ACTN4: variants seen among roughly 807,000 people sequenced by gnomAD.
ACTN4 encodes the protein alpha-actinin-4.
ACTN4 carries 18 observed loss-of-function variants against 114.2 expected under a neutral mutation model. The observed-to-expected ratio is 0.16, with a 90% CI of 0.11 to 0.23. The LOEUF (loss-of-function observed/expected upper bound fraction) is 0.23. ACTN4 is among the 10% of genes least tolerant of loss of function. The pLI, the probability that ACTN4 is intolerant of heterozygous loss-of-function variation, is 1.00. For synonymous variants in ACTN4, 515 were observed against 506.3 expected, an observed-to-expected ratio of 1.02 and a Z score of -0.23; for missense variants, 722 against 1,262.9, an observed-to-expected ratio of 0.57 and a Z score of 6.49.
intron 12 of ACTN4, among the ~76,000 whole-genome samples, chr19:38,722,283 G>A (rs988980004): frequency 6.6e-6 from 1 of 152,168 alleles, no homozygotes; most frequent in East Asian, 1.9e-4. Context: ...CCAGGCAGCA[G>A]GAGGCCCAGG....
chr19:38,726,038 C>A, intron 17 of ACTN4, 135 bp downstream of exon 17: 1 of 1,277,612 alleles, frequency 7.8e-7, no homozygotes, highest in East Asian at 2.5e-5. Flanking sequence ...TTGAAGAGAC[C>A]AGCACTTTGG....
chr19:38,680,125 A>G lies in ACTN4; in HGVS notation c.163-20475A>G, dbSNP rs1048758573. 4.7e-5 allele frequency among the ~76,000 whole-genome samples: 7 copies of G among 149,016 alleles called. No homozygotes were observed. In the East Asian group the frequency reaches 1.2e-3, roughly 26 times the overall value. On this transcript the variant is annotated intron_variant, in intron 1 of 20. Coordinates refer to ENST00000252699, the MANE Select transcript of ACTN4 (RefSeq NM_004924.6). ...ATTTACTGATGCATCTCTCTCCCCT[A>G]TCAGACGCTGAGGTCTTTGATGGAG...
chr19:38,689,125 T>C (rs373091413), intron 1 of ACTN4, among the ~76,000 whole-genome samples: 1 of 152,178 alleles, frequency 6.6e-6, no homozygotes, highest in African/African-American at 2.4e-5. Flanking sequence ...ATAAAACTTG[T>C]ACATGAATAT....
At chr19:38,726,606 C>G (rs574418899) in intron 17 of ACTN4, among the ~76,000 whole-genome samples, 3 of 152,378 alleles carry the variant, frequency 2.0e-5, no homozygotes, top group Middle Eastern at 3.4e-3. Context: ...CCAACCCATA[C>G]AGGTCCACAG....
rs1462781036 is a variant in ACTN4, at chr19:38,717,774, G to A, written c.1144-153G>A. ...GATTGTACCTGCTGAGTGCTGGGGG[G>A]CCCTGTGTAGGCATCCAGGTATAAT... On this transcript the variant is annotated intron_variant, in intron 10 of 20. Transcript: ENST00000252699. This position sits in a 1 kb window ranked among gnomAD's most constrained non-coding sequence, Gnocchi z 4.0. 2.0e-5 allele frequency among the ~76,000 whole-genome samples: 3 copies of A among 152,192 alleles called. No homozygotes were observed. The highest frequency in any genetic ancestry group is 4.4e-5 in the Non-Finnish European group (3 of 68,016).
chr19:38,710,724 G>T (rs973214008), intron 8 of ACTN4: 2 of 354,842 alleles, frequency 5.6e-6, no homozygotes, highest in African/African-American at 4.3e-5. Context: ...AATGTGGAGG[G>T]GTGAAGTGAG....
intron 9 of ACTN4, among the ~76,000 whole-genome samples, chr19:38,715,576 C>T (rs1362484671): frequency 6.6e-6 from 1 of 152,214 alleles, no homozygotes; most frequent in Non-Finnish European, 1.5e-5. Context: ...CCAGATTTTG[C>T]AATCTCATAG....
chr19:38,715,796 AG>A (rs1287635010), intron 9 of ACTN4, among the ~76,000 whole-genome samples: 1 of 152,184 alleles, frequency 6.6e-6, no homozygotes, highest in African/African-American at 2.4e-5. Flanking sequence ...ATCCACACAG[AG>A]GTATTTCTGT....
chr19:38,690,937 C>T (rs983966780), intron 1 of ACTN4, among the ~76,000 whole-genome samples: 3 of 152,180 alleles, frequency 2.0e-5, no homozygotes, highest in Admixed American at 6.5e-5. Flanking sequence ...TGCGAGATGC[C>T]GCAACCTGAT....
At chr19:38,726,318 T>C (rs766923434) in intron 17 of ACTN4, among the ~76,000 whole-genome samples, 6 of 149,244 alleles carry the variant, frequency 4.0e-5, no homozygotes, top group Non-Finnish European at 7.4e-5. Flanking sequence ...TTGAAAAGAC[T>C]AGATCAAAAT....
intron 5 of ACTN4, among the ~76,000 whole-genome samples, chr19:38,707,651 C>T (rs186399055): frequency 1.3e-3 from 204 of 152,240 alleles, no homozygotes; most frequent in African/African-American, 4.6e-3. Flanking sequence ...AAGTCAGGTC[C>T]GCCAGGGTGT....
chr19:38,659,065 CT>C (rs577141157), intron 1 of ACTN4, among the ~76,000 whole-genome samples: 76 of 111,658 alleles, frequency 6.8e-4, no homozygotes, highest in Admixed American at 8.1e-4. Context: ...CTTTTCTTTT[CT>C]TTTTTTTTTT....
At chr19:38,675,572 A>G (rs1175499355) in intron 1 of ACTN4, among the ~76,000 whole-genome samples, 1 of 152,184 alleles carries the variant, frequency 6.6e-6, no homozygotes, top group Non-Finnish European at 1.5e-5. Context: ...ATTTCTTTCA[A>G]GAGGGAGGAT....
intron 1 of ACTN4, among the ~76,000 whole-genome samples, chr19:38,686,781 G>GGGTT (rs1003232310): frequency 4.3e-4 from 66 of 152,160 alleles, no homozygotes; most frequent in East Asian, 5.8e-4. Flanking sequence ...TGAGTGGTTT[G>GGGTT]GGTTGGTTGG....
intron 1 of ACTN4, among the ~76,000 whole-genome samples, chr19:38,664,053 G>A (rs1256671650): frequency 6.6e-6 from 1 of 152,232 alleles, no homozygotes; most frequent in Non-Finnish European, 1.5e-5. Context: ...CGCGCAGCCG[G>A]AACGGCCGCC....
chr19:38,718,017 G>A lies in ACTN4; in HGVS notation c.1234G>A (p.Asp412Asn), dbSNP rs761342349. The A allele has an allele frequency of 6.2e-6, 10 of 1,602,360 alleles. No individual in the cohort carries two copies. The highest frequency in any genetic ancestry group is 1.7e-5 in the Admixed American group (1 of 57,876). ...TGAGATCCGCAGGCTGGAGCGGCTC[G>A]ACCACCTGGCAGAGAAGTTCCGGCA... ...LNEIRRLERL[D>N]HLAEKFRQKA... Residue 412 changes from aspartate (D) to asparagine (N), a missense_variant, in exon 11 of 21, where the codon GAC (aspartate) becomes AAC (asparagine). Physicochemically the swap from Asp to Asn is conservative, Grantham distance 23 (BLOSUM62 1). Coordinates refer to ENST00000252699, the MANE Select transcript of ACTN4 (RefSeq NM_004924.6).
intron 8 of ACTN4, among the ~76,000 whole-genome samples, chr19:38,714,169 C>T (rs1968762281): frequency 6.6e-6 from 1 of 152,194 alleles, no homozygotes; most frequent in African/African-American, 2.4e-5. Flanking sequence ...ACCCGTCCAG[C>T]CTCACCCTCC....
chr19:38,662,825 A>C (rs1019780046), intron 1 of ACTN4, among the ~76,000 whole-genome samples: 3 of 151,882 alleles, frequency 2.0e-5, no homozygotes, highest in Admixed American at 6.6e-5. Context: ...CTATCACACT[A>C]TAAAGACATA....
In ACTN4 at chr19:38,647,728, C is replaced by T. The variant is rs1437594304; in HGVS notation, c.-18C>T. On this transcript the variant is annotated 5_prime_UTR_variant, in exon 1 of 21. Coordinates refer to ENST00000252699, the MANE Select transcript of ACTN4 (RefSeq NM_004924.6). ...AGGCGGGAGCGGACAGGCTGGTGGGCGAGCGAGAGGCGGCGGAATGGTGGA... is the reference window on the plus strand; with the variant it reads ...AGGCGGGAGCGGACAGGCTGGTGGGTGAGCGAGAGGCGGCGGAATGGTGGA... 3.3e-6 allele frequency: 5 copies of T among 1,535,492 alleles called. No individual in the cohort carries two copies. The Admixed American group carries it at 6.0e-5, about 18-fold the overall frequency.
Sources: allele counts gnomAD v4.1 joint callset (sites outside exome capture counted in the v4.1 genomes callset), GRCh38; gene constraint gnomAD v4.1.1; non-coding constraint Gnocchi (gnomAD v3.1); transcripts MANE v1.5; gene names NCBI Gene and HGNC (gene_info 2026-07-23, HGNC 2026-07-21).